Variants in DOCK1 observed in about 807,000 individuals in gnomAD.
The protein encoded by DOCK1 is dedicator of cytokinesis protein 1.
Under a neutral mutation model 262.7 loss-of-function variants are expected in DOCK1, and 138 were observed. That is an observed-to-expected ratio of 0.53 (90% CI 0.46 to 0.61). DOCK1 has a LOEUF of 0.61. DOCK1 is among the 20% of genes least tolerant of loss of function. The pLI, the probability that DOCK1 is intolerant of heterozygous loss-of-function variation, is 0.00. For missense variants in DOCK1, 1,908 were observed against 2,370.7 expected, an observed-to-expected ratio of 0.80 and a Z score of 4.05; for synonymous variants, 866 against 867.4, an observed-to-expected ratio of 1.00 and a Z score of 0.03.
intron 23 of DOCK1, among the ~76,000 whole-genome samples, chr10:127,095,336 C>T (rs2047844018): frequency 6.6e-6 from 1 of 152,174 alleles, no homozygotes; most frequent in Admixed American, 6.5e-5. Context: ...CCTTCCTGTT[C>T]TTTTATAGAT....
chr10:127,438,931 G>A, intron 48 of DOCK1, 96 bp from the exon 49 acceptor site: 2 of 1,293,794 alleles, frequency 1.5e-6, no homozygotes, highest in South Asian at 1.6e-5. Flanking sequence ...TGCTTTCATT[G>A]TAAATGTCTT....
intron 29 of DOCK1, chr10:127,257,769 G>A (rs1408548548): frequency 5.3e-6 from 1 of 188,216 alleles, no homozygotes; most frequent in East Asian, 1.2e-4. Flanking sequence ...TCAGCCCTAG[G>A]CACTGTCAGC....
chr10:127,167,749 C>T (rs2133785861), intron 27 of DOCK1, among the ~76,000 whole-genome samples: 1 of 152,182 alleles, frequency 6.6e-6, no homozygotes, highest in South Asian at 2.1e-4. Flanking sequence ...ATGAACTGGT[C>T]CTGTCCTTTT....
intron 27 of DOCK1, chr10:127,138,035 G>C (rs113189669): frequency 7.5e-6 from 12 of 1,591,122 alleles, no homozygotes; most frequent in Non-Finnish European, 9.4e-6. Flanking sequence ...AAAAGAGAGA[G>C]AGTGAAGACT....
chr10:127,078,385 C>T (rs1458400844), intron 23 of DOCK1, among the ~76,000 whole-genome samples: 2 of 151,930 alleles, frequency 1.3e-5, no homozygotes, highest in African/African-American at 4.8e-5. Context: ...TGTGGGGCAA[C>T]CTTGCATCCC....
chr10:127,042,755 G>A (rs374350460), intron 20 of DOCK1, 41 bp downstream of exon 20: 120 of 1,590,424 alleles, frequency 7.5e-5, no homozygotes, highest in Non-Finnish European at 9.0e-5. Flanking sequence ...ATAACACAGC[G>A]TTCTTCCATG....
At chr10:127,029,310 G>T (rs2043087461) in intron 16 of DOCK1, among the ~76,000 whole-genome samples, 1 of 152,178 alleles carries the variant, frequency 6.6e-6, no homozygotes, top group Non-Finnish European at 1.5e-5. Flanking sequence ...GGCAGAAACA[G>T]GTAGAAAGAG....
chr10:126,934,462 A>C (rs1021037485), intron 1 of DOCK1, among the ~76,000 whole-genome samples: 9 of 152,218 alleles, frequency 5.9e-5, no homozygotes, highest in African/African-American at 2.2e-4. Flanking sequence ...TCACTTTTTC[A>C]TAATCGTAAC....
At chr10:127,436,685 A>G (rs1565091782) in intron 48 of DOCK1, among the ~76,000 whole-genome samples, 1 of 152,050 alleles carries the variant, frequency 6.6e-6, no homozygotes, top group African/African-American at 2.4e-5. Context: ...TATTTTATCT[A>G]TAGCTATTTC....
rs1303046238 is a variant in DOCK1 at position 127,052,815 on chromosome 10, A to G, written c.2336A>G (p.Gln779Arg). 2 of 1,610,622 alleles carry G rather than the reference A, an allele frequency of 1.2e-6. No homozygotes were observed. Among genetic ancestry groups the G allele is most frequent in the Admixed American group, 1.7e-5 (1 of 59,350 alleles). The change falls in exon 22 of 52, where the codon CAA becomes CGA. Residue 779 changes from glutamine (Q) to arginine (R), a missense_variant and splice_region_variant. Physicochemically the swap from Gln to Arg is conservative, Grantham distance 43 (BLOSUM62 1). Coordinates refer to ENST00000623213, the MANE Select transcript of DOCK1 (RefSeq NM_001290223.2). ...GTGCGCTCCAGGATCCTGTTCAATC[A>G]GTGCGTACCTATCCCCTCCATGCCC... ...FIVRSRILFN[Q>R]LYENKGEADF...
intron 33 of DOCK1, among the ~76,000 whole-genome samples, chr10:127,372,528 C>T (rs2134025641): frequency 6.6e-6 from 1 of 152,298 alleles, no homozygotes; most frequent in Non-Finnish European, 1.5e-5. Context: ...GGTCTAAGAC[C>T]AACTGTATTC....
chr10:127,162,139 T>G (rs1345765677), intron 27 of DOCK1, among the ~76,000 whole-genome samples: 1 of 152,222 alleles, frequency 6.6e-6, no homozygotes, highest in Non-Finnish European at 1.5e-5. Context: ...CAGATATATG[T>G]CAGGTGGTAA....
At chr10:127,283,329 A>C (rs1474801917) in intron 29 of DOCK1, among the ~76,000 whole-genome samples, 1 of 152,240 alleles carries the variant, frequency 6.6e-6, no homozygotes, top group Non-Finnish European at 1.5e-5. Flanking sequence ...CAAGCCAGTG[A>C]GGTTGGAGCA....
intron 1 of DOCK1, among the ~76,000 whole-genome samples, chr10:126,924,504 G>C (rs544996130): frequency 3.9e-4 from 60 of 152,230 alleles, no homozygotes; most frequent in Non-Finnish European, 2.9e-5. Context: ...TGCTGGAACT[G>C]TCTCTGGGGA....
At position 126,909,429 on chromosome 10, in the gene DOCK1, C is replaced by G. The variant is rs1469323578; in HGVS notation, c.46+3866C>G. Among the ~76,000 whole-genome samples, 4 of 152,268 alleles carry G rather than the reference C, an allele frequency of 2.6e-5. No individual in the cohort carries two copies. In the East Asian group the frequency reaches 7.7e-4, roughly 29 times the overall value. ...GATAATACATTTGTGTGGTTTTAAG[C>G]TGGCTGGGTTGTGGGAATTTGTTAC... On this transcript the variant is annotated intron_variant, in intron 1 of 51. Coordinates refer to ENST00000623213, the MANE Select transcript of DOCK1 (RefSeq NM_001290223.2).
At chr10:126,916,711 T>G (rs1236001727) in intron 1 of DOCK1, among the ~76,000 whole-genome samples, 4 of 150,762 alleles carry the variant, frequency 2.7e-5, no homozygotes, top group African/African-American at 9.7e-5. Context: ...CCCTCCTTCC[T>G]TCTACCCCTC....
At chr10:127,116,766 G>A (rs1013842473) in intron 25 of DOCK1, among the ~76,000 whole-genome samples, 1 of 152,168 alleles carries the variant, frequency 6.6e-6, no homozygotes, top group Non-Finnish European at 1.5e-5. Flanking sequence ...TAGATGTTGT[G>A]CAGAAGGAAA....
intron 3 of DOCK1, among the ~76,000 whole-genome samples, chr10:126,979,897 C>T (rs12413549): frequency 3.3e-5 from 5 of 152,142 alleles, no homozygotes; most frequent in Admixed American, 1.3e-4. Context: ...GCAGGCCCAG[C>T]GGAAGTTGCG....
chr10:127,294,245 C>T (rs1213539954), intron 29 of DOCK1, among the ~76,000 whole-genome samples: 4 of 152,190 alleles, frequency 2.6e-5, no homozygotes, highest in African/African-American at 9.7e-5. Context: ...ACTTCCTTTT[C>T]TCCCAGAGAC....
Sources: gnomAD v4.1 joint callset for allele counts (sites outside exome capture counted in the v4.1 genomes callset) on GRCh38, gnomAD v4.1.1 for gene constraint, MANE v1.5 for transcripts, NCBI Gene and HGNC (gene_info 2026-07-23, HGNC 2026-07-21) for gene names.